NTM: variants seen among roughly 807,000 people sequenced by gnomAD.
NTM encodes the protein IgLON family member 2.
A neutral mutation model predicts 42.1 loss-of-function variants in NTM; 13 were observed. That is an observed-to-expected ratio of 0.31 (90% confidence interval 0.20 to 0.49). The LOEUF (loss-of-function observed/expected upper bound fraction) is 0.49, where lower values mean the gene tolerates loss of function less well. NTM is among the 20% of genes least tolerant of loss of function. The probability of loss-of-function intolerance (pLI) is 0.99; values close to 1 mark genes in which losing one functional copy is unlikely to be tolerated. For synonymous variants in NTM, 187 were observed against 179.2 expected (o/e 1.04, Z -0.35); for missense variants, 373 against 452.8 (o/e 0.82, Z 1.60).
intron 1 of NTM, among the ~76,000 whole-genome samples, chr11:131,598,829 C>T (rs865946706): frequency 0.048 from 1,697 of 35,610 alleles, 276 homozygotes; most frequent in African/African-American, 0.17. Context: ...TTTCTTTCTT[C>T]TTTCTTTCTT....
intron 2 of NTM, among the ~76,000 whole-genome samples, chr11:131,993,694 G>A (rs1473428348): frequency 6.6e-6 from 1 of 152,034 alleles, no homozygotes; most frequent in Non-Finnish European, 1.5e-5. Flanking sequence ...GAGAAGAATG[G>A]AATAGAGCAA....
chr11:132,074,718 A>T (rs1276454911), intron 2 of NTM, among the ~76,000 whole-genome samples: 1 of 152,234 alleles, frequency 6.6e-6, no homozygotes, highest in African/African-American at 2.4e-5. Flanking sequence ...GAATTTACAT[A>T]CAGTGGAGAA....
intron 1 of NTM, among the ~76,000 whole-genome samples, chr11:131,744,941 C>A (rs891723813): frequency 3.3e-5 from 5 of 152,202 alleles, no homozygotes; most frequent in Non-Finnish European, 7.3e-5. Flanking sequence ...GCTGCATCTG[C>A]ATTTACCTCC....
chr11:131,454,011 T>G (rs1322020315), intron 1 of NTM, among the ~76,000 whole-genome samples: 1 of 152,206 alleles, frequency 6.6e-6, no homozygotes, highest in Non-Finnish European at 1.5e-5. Context: ...TCCCAGTCTC[T>G]AAGCACGTTT....
intron 1 of NTM, among the ~76,000 whole-genome samples, chr11:131,802,117 C>T (rs1366907115): frequency 6.6e-6 from 1 of 152,118 alleles, no homozygotes; most frequent in African/African-American, 2.4e-5. Context: ...TGAAATACAC[C>T]TGAAGTTTTC....
intron 1 of NTM, among the ~76,000 whole-genome samples, chr11:131,469,368 A>G (rs1416124061): frequency 6.6e-6 from 1 of 152,190 alleles, no homozygotes; most frequent in African/African-American, 2.4e-5. Flanking sequence ...TTCCTCAGCT[A>G]TGAGGAAGAT....
intron 1 of NTM, among the ~76,000 whole-genome samples, chr11:131,781,084 AAG>A (rs2088014700): frequency 6.6e-6 from 1 of 152,136 alleles, no homozygotes; most frequent in Non-Finnish European, 1.5e-5. Context: ...AACTATGAAA[AAG>A]AGATAAAATA....
chr11:131,620,457 A>C (rs1422559858), intron 1 of NTM, among the ~76,000 whole-genome samples: 1 of 152,168 alleles, frequency 6.6e-6, no homozygotes. Flanking sequence ...TGTAGAAAAC[A>C]ATTCAAATGC....
chr11:131,796,167 C>T (rs2091533274), intron 1 of NTM: 3 of 985,140 alleles, frequency 3.0e-6, no homozygotes, highest in Admixed American at 1.2e-4. Flanking sequence ...TCGAAGCCCT[C>T]CTGCAGCTGG....
intron 1 of NTM, among the ~76,000 whole-genome samples, chr11:131,389,802 G>A (rs1166343355): frequency 6.6e-6 from 1 of 152,190 alleles, no homozygotes; most frequent in African/African-American, 2.4e-5. Context: ...AATCAAACAC[G>A]TGGCAACAGG....
intron 1 of NTM, among the ~76,000 whole-genome samples, chr11:131,512,237 T>A (rs373228611): frequency 7.2e-5 from 11 of 152,378 alleles, no homozygotes; most frequent in African/African-American, 2.4e-4. Flanking sequence ...ATGTACTGAA[T>A]TGATTACGGA....
Position 131,489,347 on chromosome 11 carries a change from A to G in NTM, c.82+118459A>G, listed in dbSNP as rs547349617. On this transcript the variant is annotated intron_variant, in intron 1 of 8. Coordinates refer to ENST00000683400, the MANE Select transcript of NTM (RefSeq NM_001352005.2). ...TTGAACTTCCTTATCCCTTTATTCA[A>G]CCCGGTAGTTCTCCCATCATGATAA... Among the ~76,000 whole-genome samples, 16 of 152,096 alleles carry G rather than the reference A, an allele frequency of 1.1e-4. No individual in the cohort carries two copies. In the East Asian group the frequency reaches 2.9e-3, roughly 28 times the overall value.
intron 1 of NTM, among the ~76,000 whole-genome samples, chr11:131,560,788 T>C (rs141960519): frequency 6.6e-6 from 1 of 152,356 alleles, no homozygotes; most frequent in African/African-American, 2.4e-5. Flanking sequence ...ACTTACTGTG[T>C]TTACCAATTT....
intron 2 of NTM, among the ~76,000 whole-genome samples, chr11:132,134,705 G>GTGTATATATA (rs1277579004): frequency 1.2e-4 from 9 of 75,960 alleles, no homozygotes; most frequent in African/African-American, 1.4e-4. Flanking sequence ...GTATTCCATG[G>GTGTATATATA]TATATATATA....
chr11:132,246,085 T>C (rs898969369), intron 4 of NTM, among the ~76,000 whole-genome samples: 4 of 152,212 alleles, frequency 2.6e-5, no homozygotes, highest in African/African-American at 7.2e-5. Context: ...TCTCCTTGCC[T>C]TGGGCCCACA....
At chr11:132,128,960 A>G (rs2066338740) in intron 2 of NTM, among the ~76,000 whole-genome samples, 1 of 138,040 alleles carries the variant, frequency 7.2e-6, no homozygotes, top group East Asian at 2.2e-4. Flanking sequence ...AAAAAAAAAA[A>G]AAAAAAAGAG....
At chr11:131,943,746 T>A (rs2134247924) in intron 2 of NTM, among the ~76,000 whole-genome samples, 1 of 152,354 alleles carries the variant, frequency 6.6e-6, no homozygotes, top group South Asian at 2.1e-4. Flanking sequence ...AGTTCTGTCA[T>A]TAGAAATGTC....
In NTM at chr11:131,497,433, C is replaced by T. The variant is rs190445703; in HGVS notation, c.82+126545C>T. Among the ~76,000 whole-genome samples, 308 of 152,208 alleles carry T rather than the reference C, an allele frequency of 2.0e-3. 4 individuals carry two copies. The highest frequency in any genetic ancestry group is 6.5e-3 in the African/African-American group (269 of 41,520). ...TGAACTCCTGACCTCGTGATCTGCC[C>T]GCCTTGGCCTTCCAAAGTGCTGGGA... On this transcript the variant is annotated intron_variant, in intron 1 of 8. Transcript: ENST00000683400.
chr11:131,925,540 C>T (rs1415156278), intron 2 of NTM, among the ~76,000 whole-genome samples: 1 of 152,036 alleles, frequency 6.6e-6, no homozygotes, highest in African/African-American at 2.4e-5. Context: ...TACATGCCAC[C>T]ATGCCCAGCT....
Sources: allele counts gnomAD v4.1 joint callset (sites outside exome capture counted in the v4.1 genomes callset), GRCh38; gene constraint gnomAD v4.1.1; transcripts MANE v1.5; gene names NCBI Gene and HGNC (gene_info 2026-07-23, HGNC 2026-07-21).